Variants in SLC39A11 observed in about 807,000 individuals in gnomAD.
The protein encoded by SLC39A11 is solute carrier family 39 member 11, also known as zinc transporter ZIP11.
A neutral mutation model predicts 36.1 loss-of-function variants in SLC39A11; 33 were observed. That is an observed-to-expected ratio of 0.91 (90% CI 0.69 to 1.22). SLC39A11 has a LOEUF of 1.22. SLC39A11 is among the 50% of genes most tolerant of loss of function. The probability of loss-of-function intolerance (pLI) is 0.00; values close to 1 mark genes in which losing one functional copy is unlikely to be tolerated. For missense variants in SLC39A11, 432 were observed against 430.3 expected (o/e 1.00, Z -0.03); for synonymous variants, 166 against 170.3 (o/e 0.97, Z 0.20).
intron 6 of SLC39A11, among the ~76,000 whole-genome samples, chr17:72,766,896 C>T (rs780277943): frequency 6.6e-6 from 1 of 152,150 alleles, no homozygotes; most frequent in Non-Finnish European, 1.5e-5. Context: ...CCAAACACCT[C>T]CCTGACCAGA....
chr17:72,874,751 G>T (rs2080809329), intron 5 of SLC39A11, among the ~76,000 whole-genome samples: 1 of 152,124 alleles, frequency 6.6e-6, no homozygotes, highest in African/African-American at 2.4e-5. Context: ...AGCAATGTTG[G>T]GTTTTGTCTG....
At chr17:72,681,359 A>C (rs2071501060) in intron 7 of SLC39A11, among the ~76,000 whole-genome samples, 1 of 152,182 alleles carries the variant, frequency 6.6e-6, no homozygotes, top group African/African-American at 2.4e-5. Flanking sequence ...GTAAGTGAGG[A>C]GCTGCATGAT....
At chr17:72,800,499 C>T (rs183395712) in intron 6 of SLC39A11, among the ~76,000 whole-genome samples, 8 of 151,900 alleles carry the variant, frequency 5.3e-5, no homozygotes, top group Admixed American at 2.0e-4. Flanking sequence ...TTAGTAGAGA[C>T]GGGGTTTCGC....
intron 5 of SLC39A11, among the ~76,000 whole-genome samples, chr17:72,892,822 G>A (rs893690155): frequency 5.3e-5 from 8 of 152,130 alleles, no homozygotes; most frequent in East Asian, 1.9e-4. Flanking sequence ...GCCATTTCCC[G>A]CATAACTCCT....
intron 3 of SLC39A11, among the ~76,000 whole-genome samples, chr17:73,038,039 A>G (rs2058979019): frequency 6.6e-6 from 1 of 152,318 alleles, no homozygotes; most frequent in Middle Eastern, 3.4e-3. Flanking sequence ...CCTGGCCAAC[A>G]TGGCGAAACC....
intron 6 of SLC39A11, among the ~76,000 whole-genome samples, chr17:72,761,046 G>C (rs948023223): frequency 1.3e-5 from 2 of 152,210 alleles, no homozygotes; most frequent in Non-Finnish European, 2.9e-5. Flanking sequence ...GTAAACAGCA[G>C]AGTGCACGCC....
chr17:72,651,863 A>G (rs1311052072), intron 7 of SLC39A11, among the ~76,000 whole-genome samples: 3 of 152,196 alleles, frequency 2.0e-5, no homozygotes, highest in Non-Finnish European at 2.9e-5. Context: ...CCAGCCCAGG[A>G]CATGTCCACA....
At chr17:73,030,836 C>T (rs998967138) in intron 4 of SLC39A11, among the ~76,000 whole-genome samples, 8 of 152,154 alleles carry the variant, frequency 5.3e-5, no homozygotes, top group Admixed American at 2.0e-4. Flanking sequence ...TCTCTTGGCT[C>T]GGTGATCACA....
At chr17:72,903,733 G>A (rs989607023) in intron 5 of SLC39A11, among the ~76,000 whole-genome samples, 1 of 152,106 alleles carries the variant, frequency 6.6e-6, no homozygotes, top group East Asian at 1.9e-4. Flanking sequence ...CAAAGTAATC[G>A]GGCTTGATTG....
At chr17:72,780,820 T>C (rs1422783218) in intron 6 of SLC39A11, among the ~76,000 whole-genome samples, 3 of 152,218 alleles carry the variant, frequency 2.0e-5, no homozygotes, top group South Asian at 4.2e-4. Context: ...AAACCCCGTG[T>C]CTACTAAAAA....
chr17:72,888,338 C>T (rs765756225), intron 5 of SLC39A11, among the ~76,000 whole-genome samples: 3 of 152,120 alleles, frequency 2.0e-5, no homozygotes, highest in African/African-American at 4.8e-5. Context: ...GAACTTTCAA[C>T]GTATTAATTT....
chr17:72,738,693 C>G (rs1430181191), intron 6 of SLC39A11, among the ~76,000 whole-genome samples: 1 of 152,188 alleles, frequency 6.6e-6, no homozygotes, highest in Non-Finnish European at 1.5e-5. Context: ...TACTGAATTA[C>G]CACCACTGTT....
At chr17:72,677,090 G>A (rs1165481230) in intron 7 of SLC39A11, among the ~76,000 whole-genome samples, 1 of 152,166 alleles carries the variant, frequency 6.6e-6, no homozygotes, top group Non-Finnish European at 1.5e-5. Context: ...GGGTGCCTTG[G>A]GTAGCCACTG....
intron 5 of SLC39A11, among the ~76,000 whole-genome samples, chr17:72,912,315 A>G (rs1236770987): frequency 6.6e-6 from 1 of 152,096 alleles, no homozygotes; most frequent in Non-Finnish European, 1.5e-5. Flanking sequence ...AGCAGGAGGC[A>G]TTACAACAGA....
At chr17:72,751,427 T>A (rs558023661) in intron 6 of SLC39A11, among the ~76,000 whole-genome samples, 8 of 152,192 alleles carry the variant, frequency 5.3e-5, no homozygotes, top group Non-Finnish European at 8.8e-5. Context: ...GGTTCTTTCC[T>A]TCCTTCCTCC....
chr17:73,044,584 T>C (rs895578001), intron 3 of SLC39A11, among the ~76,000 whole-genome samples: 3 of 152,170 alleles, frequency 2.0e-5, no homozygotes, highest in Admixed American at 6.5e-5. Context: ...AGAAATGTTC[T>C]CTATCTCAGC....
At chr17:72,965,194 C>T (rs866654156) in intron 4 of SLC39A11, among the ~76,000 whole-genome samples, 8 of 151,662 alleles carry the variant, frequency 5.3e-5, no homozygotes, top group Non-Finnish European at 1.2e-4. Context: ...CACATGTATA[C>T]ATATGTAACA....
At chr17:72,797,749 C>T (rs1161315883) in intron 6 of SLC39A11, among the ~76,000 whole-genome samples, 1 of 152,146 alleles carries the variant, frequency 6.6e-6, no homozygotes, top group Non-Finnish European at 1.5e-5. Context: ...TCTAAGCTCG[C>T]AGGTGGCACA....
rs145288500 is a variant in SLC39A11 at position 72,715,782 on chromosome 17, C to A, written c.671+20868G>T. ...ACAGTGCTGTGATCTTGGCTCCCTGCAGCCTCCGCCACCCGGGTTCAAGCG... is the reference window on the plus strand; with the variant it reads ...ACAGTGCTGTGATCTTGGCTCCCTGAAGCCTCCGCCACCCGGGTTCAAGCG... On this transcript the variant is annotated intron_variant, in intron 7 of 9. Transcript: ENST00000255559. Among the ~76,000 whole-genome samples the A allele has an allele frequency of 5.0e-3, 762 of 152,278 alleles. 8 individuals carry two copies. The highest frequency in any genetic ancestry group is 0.017 in the African/African-American group (716 of 41,540).
Sources: gnomAD v4.1 joint callset for allele counts (sites outside exome capture counted in the v4.1 genomes callset) on GRCh38, gnomAD v4.1.1 for gene constraint, MANE v1.5 for transcripts, NCBI Gene and HGNC (gene_info 2026-07-23, HGNC 2026-07-21) for gene names.